The following BFAR variants were observed in gnomAD, a reference collection of about 807,000 sequenced individuals.
BFAR encodes bifunctional apoptosis regulator.
A neutral mutation model predicts 54.4 loss-of-function variants in BFAR; 52 were observed. The ratio of observed to expected loss-of-function variants is 0.96; its 90% CI spans 0.77 to 1.21. The LOEUF (loss-of-function observed/expected upper bound fraction) is 1.21, where lower values mean the gene tolerates loss of function less well. Among genes scored for constraint, BFAR ranks in the 50% most tolerant of loss-of-function variants. The pLI, the probability that BFAR is intolerant of heterozygous loss-of-function variation, is 0.00. For synonymous variants in BFAR, 215 were observed against 204.3 expected (o/e 1.05, Z -0.45); for missense variants, 571 against 534.0 (o/e 1.07, Z -0.68).
In BFAR at chr16:14,644,333, G is replaced by T. The variant is rs1190821878; in HGVS notation, c.-14G>T. On this transcript the variant is annotated 5_prime_UTR_variant, in exon 2 of 8. Transcript: ENST00000261658. ...AAATTTTTTATGTCTCTGGAACCCA[G>T]AATTTGCTAAGAGATGGAGGAACCT... The T allele has an allele frequency of 3.1e-6, 5 of 1,608,840 alleles. No homozygotes were observed. The East Asian group carries it at 6.7e-5, about 22-fold the overall frequency.
rs542454502 is a variant in BFAR, at chr16:14,667,553, C to T, written c.1161-82C>T. On this transcript the variant is annotated intron_variant, in intron 7 of 7. Transcript: ENST00000261658. Reference sequence around the variant, plus strand: ...ACGGGCAGCCATGCTCTTCCCAGCACCCAGAAAAGGCCCAGGGCCCGGACT... The same window carrying T: ...ACGGGCAGCCATGCTCTTCCCAGCATCCAGAAAAGGCCCAGGGCCCGGACT... The T allele has an allele frequency of 2.3e-5, 31 of 1,347,544 alleles. No individual in the cohort carries two copies. The South Asian group carries it at 4.0e-4, about 18-fold the overall frequency. 83.5% of individuals were successfully genotyped at this position (1,347,544 alleles called of 1,614,324 possible). A position where few individuals can be genotyped will look rare whatever the true frequency, so the allele number is the denominator to read the frequency against.
intron 3 of BFAR, 46 bp from the exon 4 acceptor site, chr16:14,649,758 C>T (rs745744717): frequency 6.6e-5 from 100 of 1,504,178 alleles, no homozygotes; most frequent in Non-Finnish European, 6.3e-5. Context: ...TAGAAACTGG[C>T]ATCTCTGCCT....
At chr16:14,647,427 G>A (rs1185854192) in intron 2 of BFAR, among the ~76,000 whole-genome samples, 2 of 152,050 alleles carry the variant, frequency 1.3e-5, no homozygotes, top group Non-Finnish European at 2.9e-5. Flanking sequence ...TGGGTGCGGT[G>A]GCTCATGCCT....
At chr16:14,653,291 G>A (rs570978643) in intron 4 of BFAR, among the ~76,000 whole-genome samples, 22 of 152,206 alleles carry the variant, frequency 1.4e-4, no homozygotes, top group Admixed American at 1.4e-3. Flanking sequence ...AATCACTGTG[G>A]AGGGGAATTT....
Position 14,644,686 on chromosome 16 carries a change from T to A in BFAR, c.263+77T>A, listed in dbSNP as rs1042719541. 2.0e-4 allele frequency: 266 copies of A among 1,311,776 alleles called. 1 individual carries two copies. In the African/African-American group the frequency reaches 3.3e-3, roughly 16 times the overall value. 81.3% of individuals were successfully genotyped at this position (1,311,776 alleles called of 1,614,324 possible). ...TCTCTTGCTTTTTTTTTTTTTTTTTTAACAGAGATGGCGTCTCGCTATGTT... is the reference window on the plus strand; with the variant it reads ...TCTCTTGCTTTTTTTTTTTTTTTTTAAACAGAGATGGCGTCTCGCTATGTT... On this transcript the variant is annotated intron_variant, in intron 2 of 7. Transcript: ENST00000261658.
In BFAR at chr16:14,648,531, C is replaced by T. The variant is rs1045706654; in HGVS notation, c.407C>T (p.Ala136Val). 7.4e-6 allele frequency: 12 copies of T among 1,613,960 alleles called. 1 individual carries two copies. The highest frequency in any genetic ancestry group is 2.2e-5 in the South Asian group (2 of 91,080). ...QIPLAPNTGRANQQMGGGFFS... is the reference protein window; with the variant it reads ...QIPLAPNTGRVNQQMGGGFFS... Reference sequence around the variant, plus strand: ...CCTTTAGCTCCTAACACAGGCCGAGCGAATCAGCAGATGGGAGGGGGATTC... The same window carrying T: ...CCTTTAGCTCCTAACACAGGCCGAGTGAATCAGCAGATGGGAGGGGGATTC... Residue 136 changes from alanine to valine, a missense_variant, in exon 3 of 8, where the codon GCG becomes GTG. Transcript: ENST00000261658.
At chr16:14,659,523 C>G (rs537021152) in intron 5 of BFAR, among the ~76,000 whole-genome samples, 1 of 148,024 alleles carries the variant, frequency 6.8e-6, no homozygotes, top group Non-Finnish European at 1.5e-5. Flanking sequence ...GGATTACAGG[C>G]GTGAGCCACC....
chr16:14,643,983 A>C (rs1959705576), intron 1 of BFAR: 1 of 212,092 alleles, frequency 4.7e-6, no homozygotes, highest in South Asian at 7.6e-5. Context: ...AACACGGTGA[A>C]ACCCCGTCTC....
At chr16:14,660,287 G>A (rs576041043) in intron 5 of BFAR, among the ~76,000 whole-genome samples, 3 of 152,152 alleles carry the variant, frequency 2.0e-5, no homozygotes, top group East Asian at 1.9e-4. Context: ...CAAATAAATT[G>A]AATCTTTTTT....
intron 2 of BFAR, among the ~76,000 whole-genome samples, chr16:14,645,423 C>T (rs1003520763): frequency 6.6e-6 from 1 of 152,202 alleles, no homozygotes; most frequent in Admixed American, 6.5e-5. Context: ...CCAGTTATCA[C>T]ATTAATAGAG....
intron 5 of BFAR, among the ~76,000 whole-genome samples, chr16:14,656,904 A>G (rs986004965): frequency 6.6e-6 from 1 of 152,110 alleles, no homozygotes; most frequent in Non-Finnish European, 1.5e-5. Flanking sequence ...GGAGTTCCAG[A>G]CCAGCCTGAC....
chr16:14,668,305 G>C lies in BFAR; in HGVS notation c.*478G>C, dbSNP rs758313011. On this transcript the variant is annotated 3_prime_UTR_variant, in exon 8 of 8. Transcript: ENST00000261658. The stretch of plus-strand genomic sequence containing the variant: ...AGGATAAGATTCTGTCATAGGCATA[G>C]AGAGTTGCACATAAAAAATACCGAA... The C allele has an allele frequency of 6.3e-6, 1 of 159,020 alleles. No individual in the cohort carries two copies. Among genetic ancestry groups the C allele is most frequent in the African/African-American group, 2.4e-5 (1 of 41,686 alleles). 9.9% of individuals were successfully genotyped at this position (159,020 alleles called of 1,614,324 possible). A position where few individuals can be genotyped will look rare whatever the true frequency, so the allele number is the denominator to read the frequency against.
intron 1 of BFAR, among the ~76,000 whole-genome samples, chr16:14,635,521 A>T (rs1006567326): frequency 6.6e-6 from 1 of 152,032 alleles, no homozygotes; most frequent in East Asian, 1.9e-4. Flanking sequence ...ATGCCACGAG[A>T]AATGAAAGAG....
intron 5 of BFAR, among the ~76,000 whole-genome samples, chr16:14,659,179 G>A (rs1052290218): frequency 5.9e-5 from 9 of 151,964 alleles, no homozygotes; most frequent in African/African-American, 2.2e-4. Context: ...AAAGTGCTGG[G>A]ATTATAGGCG....
rs1272077113 is a variant in BFAR at position 14,649,651 on chromosome 16, CGTTGCCCTGCTTTT to C, written c.469-140_469-127del. Among the ~76,000 whole-genome samples the C allele has an allele frequency of 2.6e-5, 4 of 152,238 alleles. No individual in the cohort carries two copies. The East Asian group carries it at 7.7e-4, about 29-fold the overall frequency. ...GGTCCCCAGTTCTCTGTGGCCGTGG[CGTTGCCCTGCTTTT>C]GTTGCCCTGCTTCTGTGTACGGGCT... On this transcript the variant is annotated intron_variant, in intron 3 of 7. Coordinates refer to ENST00000261658, the MANE Select transcript of BFAR (RefSeq NM_016561.3).
chr16:14,638,432 A>G (rs1959520249), intron 1 of BFAR, among the ~76,000 whole-genome samples: 1 of 152,262 alleles, frequency 6.6e-6, no homozygotes, highest in Non-Finnish European at 1.5e-5. Flanking sequence ...TGGACTTCCA[A>G]TAAAGTAGCC....
chr16:14,642,959 C>G (rs764160248), intron 1 of BFAR, among the ~76,000 whole-genome samples: 1 of 152,078 alleles, frequency 6.6e-6, no homozygotes, highest in African/African-American at 2.4e-5. Flanking sequence ...GCAGATCACT[C>G]GAGTTCAGGA....
At chr16:14,667,057 A>G (rs1960460770) in intron 7 of BFAR, among the ~76,000 whole-genome samples, 1 of 151,744 alleles carries the variant, frequency 6.6e-6, no homozygotes. Flanking sequence ...CAAAAAATTA[A>G]CTGGGCGTGG....
intron 1 of BFAR, among the ~76,000 whole-genome samples, chr16:14,637,157 AC>A (rs1263233072): frequency 8.1e-5 from 11 of 135,298 alleles, no homozygotes; most frequent in Non-Finnish European, 1.7e-4. Context: ...CTGCATAGTC[AC>A]CCTAACAGCT....
Sources: allele counts gnomAD v4.1 joint callset (sites outside exome capture counted in the v4.1 genomes callset), GRCh38; gene constraint gnomAD v4.1.1; transcripts MANE v1.5; gene names NCBI Gene and HGNC (gene_info 2026-07-23, HGNC 2026-07-21).